Variants in FBXW2 observed in about 807,000 individuals in gnomAD.
The protein encoded by FBXW2 is F-box and WD repeat domain containing 2, also known as F-box/WD repeat-containing protein 2.
Under a neutral mutation model 46.0 loss-of-function variants are expected in FBXW2, and 12 were observed. The observed-to-expected ratio is 0.26, with a 90% CI of 0.17 to 0.42. The LOEUF is 0.42. Among genes scored for constraint, FBXW2 ranks in the 10% least tolerant of loss-of-function variants. The pLI is 1.00. For synonymous variants in FBXW2, 203 were observed against 209.6 expected (o/e 0.97, Z 0.27); for missense variants, 360 against 537.0 (o/e 0.67, Z 3.26).
chr9:120,793,293 T>C, intron 1 of FBXW2, 36 bp from the exon 2 acceptor site: 1 of 451,968 alleles, frequency 2.2e-6, no homozygotes, highest in East Asian at 3.5e-5. Context: ...GCGCGGCGGG[T>C]CAGCAGAGCC....
chr9:120,793,086 C>A, intron 2 of FBXW2, 63 bp downstream of exon 2: 1 of 822,504 alleles, frequency 1.2e-6, no homozygotes, highest in Non-Finnish European at 2.0e-6. Flanking sequence ...ATCCAGATCC[C>A]ATCAACCCAT....
Position 120,759,718 on chromosome 9 carries a change from T to C in FBXW2, c.*4841A>G, listed in dbSNP as rs1387811755. ...TGAATATTAAAAACACATATTTACTTGGGCACATTTATGAAGAGTAGAAGT... is the reference window on the plus strand; with the variant it reads ...TGAATATTAAAAACACATATTTACTCGGGCACATTTATGAAGAGTAGAAGT... On this transcript the variant is annotated 3_prime_UTR_variant, in exon 8 of 8. Coordinates refer to ENST00000608872, the MANE Select transcript of FBXW2 (RefSeq NM_012164.4). The C allele has an allele frequency of 1.3e-5, 2 of 152,242 alleles. No individual in the cohort carries two copies. The highest frequency in any genetic ancestry group is 2.9e-5 in the Non-Finnish European group (2 of 68,048). The allele number at this position is 152,242 out of a possible 1,614,324, so 9.4% of individuals were successfully genotyped here.
At chr9:120,776,038 C>T in intron 5 of FBXW2, 55 bp downstream of exon 5, 2 of 1,601,514 alleles carry the variant, frequency 1.2e-6, no homozygotes, top group Non-Finnish European at 8.5e-7. Flanking sequence ...TACCATCCTC[C>T]ACGCCCTCCC....
chr9:120,770,016 GC>G (rs529363527), intron 7 of FBXW2, among the ~76,000 whole-genome samples: 101 of 152,302 alleles, frequency 6.6e-4, no homozygotes, highest in Middle Eastern at 3.4e-3. Flanking sequence ...GAGAGATGTG[GC>G]CCACCAAAGT....
At chr9:120,775,334 G>A (rs957178136) in intron 5 of FBXW2, among the ~76,000 whole-genome samples, 5 of 152,190 alleles carry the variant, frequency 3.3e-5, no homozygotes, top group Admixed American at 2.6e-4. Flanking sequence ...GTAAGCCTCT[G>A]TGCCTGGCCC....
intron 7 of FBXW2, among the ~76,000 whole-genome samples, chr9:120,766,717 C>T (rs1351447413): frequency 6.6e-6 from 1 of 152,208 alleles, no homozygotes; most frequent in African/African-American, 2.4e-5. Flanking sequence ...GCCTCAGCCT[C>T]CCAAAGTGCT....
At chr9:120,776,363 G>C (rs16910132) in intron 4 of FBXW2, 137 bp from the exon 5 acceptor site, 1 of 903,052 alleles carries the variant, frequency 1.1e-6, no homozygotes, top group African/African-American at 1.7e-5. Context: ...TATTCAACTA[G>C]CAATTTTCTG....
intron 6 of FBXW2, among the ~76,000 whole-genome samples, chr9:120,771,933 C>A (rs1406272663): frequency 1.3e-5 from 2 of 151,696 alleles, no homozygotes; most frequent in Non-Finnish European, 2.9e-5. Flanking sequence ...ATAGCACACG[C>A]CTGTAATCCC....
In FBXW2 at chr9:120,758,206, T is replaced by C. The variant is rs1339431297; in HGVS notation, c.*6353A>G. ...TGCTCAGTGAGGCTGGAGTGGGGTA[T>C]GGTGGTCAGCAGAGGCTTTAAAGAT... On this transcript the variant is annotated 3_prime_UTR_variant, in exon 8 of 8. Transcript: ENST00000608872. The C allele has an allele frequency of 6.6e-6, 1 of 152,144 alleles. No homozygotes were observed. The highest frequency in any genetic ancestry group is 1.5e-5 in the Non-Finnish European group (1 of 68,032). 9.4% of individuals were successfully genotyped at this position (152,144 alleles called of 1,614,324 possible).
chr9:120,771,751 G>A (rs1318023813), intron 6 of FBXW2, among the ~76,000 whole-genome samples: 5 of 151,992 alleles, frequency 3.3e-5, no homozygotes, highest in Non-Finnish European at 5.9e-5. Context: ...CCTATCACAC[G>A]GGACAGTATA....
chr9:120,760,353 G>C lies in FBXW2; in HGVS notation c.*4206C>G, dbSNP rs867322094. The C allele has an allele frequency of 1.3e-5, 2 of 152,252 alleles. No homozygotes were observed. Among genetic ancestry groups the C allele is most frequent in the Admixed American group, 1.3e-4 (2 of 15,268 alleles). The allele number at this position is 152,252 out of a possible 1,614,324, so 9.4% of individuals were successfully genotyped here. A position where few individuals can be genotyped will look rare whatever the true frequency, so the allele number is the denominator to read the frequency against. ...AAGCTATAAAAGTGATGCTGGGGCC[G>C]GGCACAGCAGCTCACGCCTGTAATC... On this transcript the variant is annotated 3_prime_UTR_variant, in exon 8 of 8. Coordinates refer to ENST00000608872, the MANE Select transcript of FBXW2 (RefSeq NM_012164.4).
intron 3 of FBXW2, among the ~76,000 whole-genome samples, chr9:120,786,405 C>A (rs1361596917): frequency 6.6e-6 from 1 of 152,210 alleles, no homozygotes. Context: ...GCTTCCCCTT[C>A]GCCTTCCGCC....
intron 5 of FBXW2, among the ~76,000 whole-genome samples, chr9:120,774,489 G>T (rs901322380): frequency 6.6e-6 from 1 of 152,136 alleles, no homozygotes; most frequent in African/African-American, 2.4e-5. Flanking sequence ...TCCAGCCTGG[G>T]CAACAGAATG....
intron 2 of FBXW2, chr9:120,792,434 A>C (rs551891704): frequency 2.0e-5 from 3 of 152,932 alleles, no homozygotes; most frequent in African/African-American, 7.2e-5. Context: ...AATATTCAAG[A>C]AACTGATAAC....
chr9:120,792,122 G>A (rs985333465), intron 2 of FBXW2, among the ~76,000 whole-genome samples: 1 of 152,200 alleles, frequency 6.6e-6, no homozygotes, highest in African/African-American at 2.4e-5. Flanking sequence ...TACGGCTCAA[G>A]AAGTGGAGTG....
chr9:120,787,535 A>T (rs1192741743), intron 3 of FBXW2, among the ~76,000 whole-genome samples: 1 of 152,192 alleles, frequency 6.6e-6, no homozygotes, highest in Admixed American at 6.5e-5. Flanking sequence ...AATTCACATA[A>T]TGTTTAAAAG....
intron 3 of FBXW2, among the ~76,000 whole-genome samples, chr9:120,782,673 C>A (rs1213190844): frequency 1.3e-5 from 2 of 151,938 alleles, no homozygotes; most frequent in Non-Finnish European, 2.9e-5. Context: ...GAGACCCCAT[C>A]TCCATAAAAA....
Position 120,788,193 on chromosome 9 carries a change from G to C in FBXW2, c.66C>G (p.Asp22Glu), listed in dbSNP as rs765237655. The C allele has an allele frequency of 6.2e-7, 1 of 1,614,144 alleles. No individual in the cohort carries two copies. The highest frequency in any genetic ancestry group is 1.1e-5 in the South Asian group (1 of 91,080). ...NISVTFLSLTDLQKNETLDHL... is the reference protein window; with the variant it reads ...NISVTFLSLTELQKNETLDHL... The stretch of plus-strand genomic sequence containing the variant: ...GATCCAGAGTTTCATTTTTCTGCAA[G>C]TCCGTCAGAGAAAGAAATGTAACAG... Residue 22 changes from aspartate (D) to glutamate (E), a missense_variant, in exon 3 of 8, where the codon GAC (aspartate) becomes GAG (glutamate). Coordinates refer to ENST00000608872, the MANE Select transcript of FBXW2 (RefSeq NM_012164.4).
intron 3 of FBXW2, among the ~76,000 whole-genome samples, chr9:120,785,099 C>A (rs1347836121): frequency 6.6e-6 from 1 of 151,638 alleles, no homozygotes; most frequent in Non-Finnish European, 1.5e-5. Context: ...ACCTCCACCT[C>A]CTGGGCTCAA....
Sources: gnomAD v4.1 joint callset for allele counts (sites outside exome capture counted in the v4.1 genomes callset) on GRCh38, gnomAD v4.1.1 for gene constraint, MANE v1.5 for transcripts, NCBI Gene and HGNC (gene_info 2026-07-23, HGNC 2026-07-21) for gene names.